EXOSC10: variants seen among roughly 807,000 people sequenced by gnomAD.
The protein encoded by EXOSC10 is exosome component 10.
EXOSC10 carries 94 observed loss-of-function variants against 126.6 expected under a neutral mutation model. The observed-to-expected ratio is 0.74, with a 90% CI of 0.63 to 0.88. The LOEUF (loss-of-function observed/expected upper bound fraction) is 0.88, where lower values mean the gene tolerates loss of function less well. EXOSC10 is among the 40% of genes least tolerant of loss of function. The pLI is 0.00. For synonymous variants in EXOSC10, 395 were observed against 400.8 expected (o/e 0.99, Z 0.17); for missense variants, 1,041 against 1,100.5 (o/e 0.95, Z 0.77).
chr1:11,070,877 A>T, intron 21 of EXOSC10, 23 bp downstream of exon 21: 2 of 1,608,920 alleles, frequency 1.2e-6, no homozygotes, highest in Non-Finnish European at 1.7e-6. Flanking sequence ...TTCAAAGGAA[A>T]AAGGAGAAAA....
At chr1:11,082,638 A>C (rs760413262) in intron 10 of EXOSC10, 50 bp downstream of exon 10, 2 of 1,606,758 alleles carry the variant, frequency 1.2e-6, no homozygotes, top group Non-Finnish European at 1.7e-6. Flanking sequence ...AGGTTAATGA[A>C]TAATCACTTT....
intron 6 of EXOSC10, among the ~76,000 whole-genome samples, chr1:11,090,217 C>T (rs1055438417): frequency 2.0e-5 from 3 of 152,112 alleles, no homozygotes; most frequent in Admixed American, 6.6e-5. Flanking sequence ...AGGCTGGTCT[C>T]GAACTCCTGA....
At chr1:11,070,808 C>T (rs1170470549) in intron 21 of EXOSC10, 92 bp downstream of exon 21, 3 of 1,164,134 alleles carry the variant, frequency 2.6e-6, no homozygotes, top group East Asian at 2.4e-5. Context: ...ATATAAAGCA[C>T]AGGGCAAGCC....
chr1:11,078,719 C>T (rs1639968662), intron 14 of EXOSC10, among the ~76,000 whole-genome samples: 1 of 152,208 alleles, frequency 6.6e-6, no homozygotes, highest in African/African-American at 2.4e-5. Flanking sequence ...GGAGCTATCA[C>T]TTCACATCTG....
intron 19 of EXOSC10, among the ~76,000 whole-genome samples, chr1:11,073,684 G>C (rs1479508537): frequency 6.6e-6 from 1 of 151,742 alleles, no homozygotes; most frequent in Non-Finnish European, 1.5e-5. Flanking sequence ...GAGGTCAGGA[G>C]TTCGAGACCA....
intron 6 of EXOSC10, 140 bp downstream of exon 6, chr1:11,090,414 T>TA: frequency 1.4e-6 from 1 of 731,478 alleles, no homozygotes; most frequent in Non-Finnish European, 2.4e-6. Context: ...CAGCAGGTTT[T>TA]ATTGCTAAGG....
At chr1:11,089,330 C>T (rs1379052728) in intron 6 of EXOSC10, among the ~76,000 whole-genome samples, 1 of 150,818 alleles carries the variant, frequency 6.6e-6, no homozygotes, top group East Asian at 1.9e-4. Context: ...AAACATGGGG[C>T]TGGGTGCGGT....
chr1:11,079,758 C>T lies in EXOSC10; in HGVS notation c.1702G>A (p.Glu568Lys), dbSNP rs780795387. The T allele has an allele frequency of 7.4e-6, 12 of 1,613,968 alleles. 1 individual carries two copies. Among genetic ancestry groups the T allele is most frequent in the East Asian group, 2.2e-5 (1 of 44,866 alleles). The change falls in exon 14 of 25, where the codon GAA (glutamate) becomes AAA (lysine). Residue 568 changes from glutamate (E) to lysine (K), a missense_variant. Physicochemically the swap from Glu to Lys is moderately conservative, Grantham distance 56. Coordinates refer to ENST00000376936, the MANE Select transcript of EXOSC10 (RefSeq NM_001001998.3). The part of the protein sequence containing the change: ...VPPLVRQQIN[E>K]MHLLIQQARE... ...GCCTGCTGGATTAAAAGGTGCATTTCGTTGATCTGCTGCCGCACAAGGGGC... is the reference window on the plus strand; with the variant it reads ...GCCTGCTGGATTAAAAGGTGCATTTTGTTGATCTGCTGCCGCACAAGGGGC...
chr1:11,091,579 C>T lies in EXOSC10; in HGVS notation c.391G>A (p.Ala131Thr). 1 of 1,614,058 alleles carries T rather than the reference C, an allele frequency of 6.2e-7. No homozygotes were observed. Among genetic ancestry groups the T allele is most frequent in the Non-Finnish European group, 8.5e-7 (1 of 1,179,958 alleles). Residue 131 changes from alanine to threonine, a missense_variant, in exon 4 of 25, where the codon GCC (alanine) becomes ACC (threonine). Physicochemically the swap from Ala to Thr is moderately conservative, Grantham distance 58 (BLOSUM62 0). Coordinates refer to ENST00000376936, the MANE Select transcript of EXOSC10 (RefSeq NM_001001998.3). ...LERVGILLDE[A>T]SGVNKNQQPV... ...TGTTGATTCTTGTTTACACCTGAGG[C>T]TTCATCCAGTAAAATACCCTAAGAG...
rs1318059092 is a variant in EXOSC10, at chr1:11,079,733, G to A, written c.1727C>T (p.Ala576Val). Reference protein sequence around the residue: ...INEMHLLIQQAREMPLLKSEV... With the variant: ...INEMHLLIQQVREMPLLKSEV... ...TACCTTGAGCAGGGGCATCTCTCGG[G>A]CCTGCTGGATTAAAAGGTGCATTTC... Residue 576 changes from alanine to valine, a missense_variant, in exon 14 of 25, where the codon GCC becomes GTC. Ala to Val is a moderately conservative substitution (Grantham distance 64). This residue lies in a region of EXOSC10 where 388 missense variants were observed against 415.2 expected (regional missense o/e 0.93). Coordinates refer to ENST00000376936, the MANE Select transcript of EXOSC10 (RefSeq NM_001001998.3). 1 of 1,613,776 alleles carries A rather than the reference G, an allele frequency of 6.2e-7. No individual in the cohort carries two copies.
At chr1:11,076,691 T>A (rs928187156) in intron 17 of EXOSC10, 151 bp downstream of exon 17, 1 of 648,512 alleles carries the variant, frequency 1.5e-6, no homozygotes, top group Non-Finnish European at 2.7e-6. Flanking sequence ...ACCTTGCTCA[T>A]TGGTCTCTAT....
intron 1 of EXOSC10, 151 bp downstream of exon 1, chr1:11,099,570 T>G (rs1641314340): frequency 1.3e-6 from 1 of 787,762 alleles, no homozygotes; most frequent in Non-Finnish European, 1.9e-6. Context: ...CCCCGGAGGG[T>G]GCAGGAGAGT....
chr1:11,071,904 A>G (rs1639520856), intron 20 of EXOSC10, 183 bp downstream of exon 20: 3 of 540,994 alleles, frequency 5.5e-6, no homozygotes, highest in East Asian at 3.1e-5. Flanking sequence ...ACTCCCCACC[A>G]ATCTCTCTGC....
intron 3 of EXOSC10, among the ~76,000 whole-genome samples, chr1:11,094,598 GCCA>G (rs975756580): frequency 3.4e-5 from 5 of 146,932 alleles, no homozygotes; most frequent in African/African-American, 1.3e-4. Flanking sequence ...ACCATGCCAG[GCCA>G]CCTTTTTTTT....
chr1:11,082,640 A>C (rs1198550953), intron 10 of EXOSC10, 48 bp downstream of exon 10: 1 of 1,607,192 alleles, frequency 6.2e-7, no homozygotes, highest in Non-Finnish European at 8.5e-7. Flanking sequence ...GTTAATGAAT[A>C]ATCACTTTCT....
chr1:11,083,621 ATT>A (rs200131102), intron 9 of EXOSC10, among the ~76,000 whole-genome samples: 1 of 149,908 alleles, frequency 6.7e-6, no homozygotes, highest in African/African-American at 2.5e-5. Context: ...AGTTAAAAAA[ATT>A]TTTTTTTAAA....
intron 2 of EXOSC10, among the ~76,000 whole-genome samples, chr1:11,097,609 C>G (rs1163832809): frequency 1.3e-5 from 2 of 151,498 alleles, no homozygotes; most frequent in African/African-American, 4.9e-5. Flanking sequence ...ACCTGTAGTC[C>G]CAGCTACTCA....
At chr1:11,072,008 T>G in intron 20 of EXOSC10, 79 bp downstream of exon 20, 1 of 1,182,274 alleles carries the variant, frequency 8.5e-7, no homozygotes, top group South Asian at 1.3e-5. Context: ...CATCGCCGTA[T>G]CTGGCACTTG....
intron 5 of EXOSC10, 130 bp downstream of exon 5, chr1:11,090,884 T>C (rs1370865036): frequency 1.8e-6 from 2 of 1,082,262 alleles, no homozygotes; most frequent in Non-Finnish European, 1.4e-6. Context: ...CTGGAATAGC[T>C]GAACTGGGCT....
Sources: gnomAD v4.1 joint callset for allele counts (sites outside exome capture counted in the v4.1 genomes callset) on GRCh38, gnomAD v4.1.1 for gene constraint, gnomAD v4.1.1 regional missense constraint, MANE v1.5 for transcripts, NCBI Gene and HGNC (gene_info 2026-07-23, HGNC 2026-07-21) for gene names.